UBOX5: variants seen among roughly 807,000 people sequenced by gnomAD.
UBOX5 encodes the protein RING finger protein 37.
In UBOX5, 28 loss-of-function variants were observed where a neutral mutation model predicts 39.0. That is an observed-to-expected ratio of 0.72 (90% confidence interval 0.53 to 0.98). UBOX5 has a LOEUF of 0.98. UBOX5 is among the 50% of genes least tolerant of loss of function. UBOX5 has a pLI of 0.00. For missense variants in UBOX5, 585 were observed against 674.4 expected (o/e 0.87, Z 1.47); for synonymous variants, 283 against 275.5 (o/e 1.03, Z -0.27).
chr20:3,121,515 C>G lies in UBOX5; in HGVS notation c.1124G>C (p.Ser375Thr). ...KIEQAEHVPD[S>T]NFGVNASCFS... ...ACAGGAAGCATTTACACCAAAGTTACTGTCTGGGACATGTTCAGCCTGCTC... is the reference window on the plus strand; with the variant it reads ...ACAGGAAGCATTTACACCAAAGTTAGTGTCTGGGACATGTTCAGCCTGCTC... The change falls in exon 3 of 5, where the codon AGT becomes ACT. Residue 375 changes from serine to threonine, a missense_variant. Physicochemically the swap from Ser to Thr is moderately conservative, Grantham distance 58. Coordinates refer to ENST00000217173, the MANE Select transcript of UBOX5 (RefSeq NM_014948.4). 6.2e-7 allele frequency: 1 copy of G among 1,613,992 alleles called. No individual in the cohort carries two copies. Among genetic ancestry groups the G allele is most frequent in the East Asian group, 2.2e-5 (1 of 44,858 alleles).
intron 3 of UBOX5, among the ~76,000 whole-genome samples, chr20:3,119,011 G>A (rs554790952): frequency 1.1e-4 from 16 of 152,252 alleles, no homozygotes; most frequent in South Asian, 4.2e-4. Flanking sequence ...CTGTGTTCTC[G>A]AACTAAGAAA....
At chr20:3,141,273 G>A (rs773361847) in intron 1 of UBOX5, among the ~76,000 whole-genome samples, 1 of 152,056 alleles carries the variant, frequency 6.6e-6, no homozygotes, top group Non-Finnish European at 1.5e-5. Context: ...CTGAAAAGTG[G>A]TGTGTGCTGA....
intron 4 of UBOX5, among the ~76,000 whole-genome samples, chr20:3,112,169 G>A (rs532455973): frequency 9.6e-4 from 146 of 151,806 alleles, no homozygotes; most frequent in African/African-American, 3.5e-3. Flanking sequence ...AGGGGGGAAA[G>A]AAGGGAGGGG....
At chr20:3,154,746 A>G (rs975025632) in intron 1 of UBOX5, among the ~76,000 whole-genome samples, 1 of 152,234 alleles carries the variant, frequency 6.6e-6, no homozygotes, top group Non-Finnish European at 1.5e-5. Flanking sequence ...GTTGAGAATA[A>G]TACTAACATA....
At chr20:3,154,657 G>C (rs1216732449) in intron 1 of UBOX5, among the ~76,000 whole-genome samples, 1 of 152,108 alleles carries the variant, frequency 6.6e-6, no homozygotes, top group Non-Finnish European at 1.5e-5. Context: ...CAGGGTGACA[G>C]AGAGAGACCC....
At chr20:3,130,855 C>A (rs554030528) in intron 1 of UBOX5, among the ~76,000 whole-genome samples, 1 of 150,760 alleles carries the variant, frequency 6.6e-6, no homozygotes, top group South Asian at 2.1e-4. Context: ...TTATTTCTGT[C>A]TCTCATTTAC....
At chr20:3,113,044 C>T (rs2066265245) in intron 4 of UBOX5, among the ~76,000 whole-genome samples, 1 of 143,298 alleles carries the variant, frequency 7.0e-6, no homozygotes, top group South Asian at 2.2e-4. Flanking sequence ...GAAGCTGAGG[C>T]AGGTAGATCA....
At chr20:3,110,822 A>C (rs1300235701) in intron 4 of UBOX5, 1 of 158,694 alleles carries the variant, frequency 6.3e-6, no homozygotes, top group Admixed American at 6.1e-5. Flanking sequence ...ACATAGTGAG[A>C]TACTGTCTCT....
chr20:3,147,499 C>T lies in UBOX5; in HGVS notation c.-42+12267G>A, dbSNP rs756561153. 1.9e-6 allele frequency: 3 copies of T among 1,614,212 alleles called. No individual in the cohort carries two copies. In the East Asian group the frequency reaches 6.7e-5, roughly 36 times the overall value. On this transcript the variant is annotated intron_variant, in intron 1 of 4. Transcript: ENST00000217173. ...GACGATTGCCTCTGTAATCTGGACACTCAATGCCAACTGTACCATCGAGGG... is the reference window on the plus strand; with the variant it reads ...GACGATTGCCTCTGTAATCTGGACATTCAATGCCAACTGTACCATCGAGGG...
chr20:3,110,202 T>C lies in UBOX5; in HGVS notation c.1530A>G (p.Arg510=). Residue 510 remains arginine, a synonymous_variant, in exon 5 of 5, where the codon CGA becomes CGG. Transcript: ENST00000217173. ...AGCGTTGCTTCTCACCCAGGCAGGG[T>C]CGGCACAGGAGGTGGCCGCAGGGCA... The part of the protein sequence containing the change: ...YQLPCGHLLC[R]PCLGEKQRSL... The C allele has an allele frequency of 6.2e-7, 1 of 1,613,790 alleles. No homozygotes were observed.
intron 1 of UBOX5, among the ~76,000 whole-genome samples, chr20:3,144,331 C>T (rs1253703790): frequency 6.6e-5 from 10 of 152,164 alleles, no homozygotes; most frequent in African/African-American, 2.2e-4. Flanking sequence ...AAATAACCCC[C>T]CACATGTATG....
intron 1 of UBOX5, among the ~76,000 whole-genome samples, chr20:3,142,273 G>C (rs369116151): frequency 1.3e-5 from 2 of 151,484 alleles, no homozygotes; most frequent in African/African-American, 4.9e-5. Flanking sequence ...ACCAGCCTGG[G>C]CAACATGGTG....
intron 4 of UBOX5, among the ~76,000 whole-genome samples, chr20:3,113,260 C>G (rs2066267880): frequency 6.7e-6 from 1 of 149,456 alleles, no homozygotes; most frequent in South Asian, 2.1e-4. Context: ...TGTACTCTAG[C>G]CCGGGCAACA....
At chr20:3,133,719 T>G (rs989412306) in intron 1 of UBOX5, among the ~76,000 whole-genome samples, 3 of 150,752 alleles carry the variant, frequency 2.0e-5, no homozygotes, top group African/African-American at 7.3e-5. Flanking sequence ...TCTCTCTTTT[T>G]GCCAAGGGGT....
At chr20:3,148,497 G>A (rs1390773829) in intron 1 of UBOX5, 13 of 1,613,976 alleles carry the variant, frequency 8.1e-6, no homozygotes, top group Non-Finnish European at 1.1e-5. Flanking sequence ...ACACTCAGCT[G>A]GCAGAGCAGA....
At position 3,107,736 on chromosome 20, in the gene UBOX5, C is replaced by A. The variant is rs1023738341; in HGVS notation, c.*2370G>T. 6 of 152,188 alleles carry A rather than the reference C, an allele frequency of 3.9e-5. No homozygotes were observed. The highest frequency in any genetic ancestry group is 7.3e-5 in the Non-Finnish European group (5 of 68,038). 9.4% of individuals were successfully genotyped at this position (152,188 alleles called of 1,614,324 possible). On this transcript the variant is annotated 3_prime_UTR_variant, in exon 5 of 5. Transcript: ENST00000217173. This position sits in a 1 kb window ranked among gnomAD's most constrained non-coding sequence, Gnocchi z 5.0. ...ACTCCTGGGGGTGGCTCCACCTGTA[C>A]CCAGGACAGGGCCTGCCACTCCAGG...
Position 3,149,269 on chromosome 20 carries a change from A to G in UBOX5, c.-42+10497T>C. The G allele has an allele frequency of 1.7e-6, 1 of 572,260 alleles. No individual in the cohort carries two copies. Among genetic ancestry groups the G allele is most frequent in the Non-Finnish European group, 3.1e-6 (1 of 324,804 alleles). The allele number at this position is 572,260 out of a possible 1,614,324, so 35.4% of individuals were successfully genotyped here. On this transcript the variant is annotated intron_variant, in intron 1 of 4. Transcript: ENST00000217173. The surrounding 1 kb of genome is among the most constrained non-coding windows in gnomAD (Gnocchi z 4.1). The stretch of plus-strand genomic sequence containing the variant: ...AGAATTGGTGCCAGATACTGAAAAA[A>G]GGGTAGATGAAGAATGAGTGGCTTC...
Position 3,121,709 on chromosome 20 carries a change from T to C in UBOX5, c.930A>G (p.Val310=), listed in dbSNP as rs1384195582. ...GGGGCTGAGAGTGCGGAGTAAAAGC[T>C]ACCCCCGTGAAAGGGTCACTGGGCA... ...GRVPSDPFTG[V]AFTPHSQPLP... is the part of the protein sequence containing the mutation. Residue 310 remains valine, a synonymous_variant, in exon 3 of 5, where the codon GTA becomes GTG. Coordinates refer to ENST00000217173, the MANE Select transcript of UBOX5 (RefSeq NM_014948.4). 1 of 1,614,004 alleles carries C rather than the reference T, an allele frequency of 6.2e-7. No individual in the cohort carries two copies. Among genetic ancestry groups the C allele is most frequent in the South Asian group, 1.1e-5 (1 of 91,068 alleles).
intron 1 of UBOX5, among the ~76,000 whole-genome samples, chr20:3,138,109 C>G (rs2066486991): frequency 6.6e-6 from 1 of 152,008 alleles, no homozygotes; most frequent in South Asian, 2.1e-4. Flanking sequence ...GCTGTTTCAA[C>G]TAAAAACACA....
Sources: gnomAD v4.1 joint callset for allele counts (sites outside exome capture counted in the v4.1 genomes callset) on GRCh38, gnomAD v4.1.1 for gene constraint, Gnocchi (gnomAD v3.1) non-coding constraint, MANE v1.5 for transcripts, NCBI Gene and HGNC (gene_info 2026-07-23, HGNC 2026-07-21) for gene names.